The following TTC13 variants were observed in gnomAD, a reference collection of about 807,000 sequenced individuals.
TTC13 encodes tetratricopeptide repeat domain 13.
Under a neutral mutation model 120.0 loss-of-function variants are expected in TTC13, and 62 were observed. The ratio of observed to expected loss-of-function variants is 0.52; its 90% confidence interval spans 0.42 to 0.64. TTC13 has a LOEUF of 0.64. TTC13 is among the 30% of genes least tolerant of loss of function. The pLI is 0.00. For missense variants in TTC13, 824 were observed against 1,050.2 expected, an observed-to-expected ratio of 0.78 and a Z score of 2.98; for synonymous variants, 384 against 393.5, an observed-to-expected ratio of 0.98 and a Z score of 0.28.
Position 230,906,999 on chromosome 1 carries a change from G to A in TTC13, c.2489C>T (p.Thr830Ile), listed in dbSNP as rs773024692. The A allele has an allele frequency of 6.6e-6, 10 of 1,524,502 alleles. No individual in the cohort carries two copies. The highest frequency in any genetic ancestry group is 8.8e-6 in the Non-Finnish European group (10 of 1,142,434). The allele number at this position is 1,524,502 out of a possible 1,614,324, so 94.4% of individuals were successfully genotyped here. The change falls in exon 23 of 23, where the codon ACT becomes ATT. Residue 830 changes from threonine (T) to isoleucine (I), a missense_variant. By Grantham distance (89) the Thr-to-Ile change is moderately conservative. Around this residue, in one of 4 missense-constraint regions of TTC13, gnomAD observed 226 missense variants for 259.1 expected, o/e 0.87. Coordinates refer to ENST00000366661, the MANE Select transcript of TTC13 (RefSeq NM_024525.5). ...AAACGTTTCTGATACTGATGGAAGA[G>A]TCTTATAAGAAGGTGAAATACTGAA... ...NLKSISPSYKTLPSVSETFPT... is the reference protein window; with the variant it reads ...NLKSISPSYKILPSVSETFPT...
intron 18 of TTC13, among the ~76,000 whole-genome samples, chr1:230,914,614 C>T (rs1464387976): frequency 3.3e-5 from 5 of 152,096 alleles, no homozygotes; most frequent in Admixed American, 6.5e-5. Flanking sequence ...AGGCTGGTCT[C>T]GAACTCCTGA....
intron 18 of TTC13, among the ~76,000 whole-genome samples, chr1:230,914,618 C>T (rs1226498278): frequency 6.6e-6 from 1 of 152,152 alleles, no homozygotes; most frequent in African/African-American, 2.4e-5. Flanking sequence ...TGGTCTCGAA[C>T]TCCTGACCTA....
chr1:230,939,701 T>C (rs1674377540), intron 7 of TTC13, among the ~76,000 whole-genome samples: 1 of 152,208 alleles, frequency 6.6e-6, no homozygotes, highest in Non-Finnish European at 1.5e-5. Flanking sequence ...GAAAAGCGAT[T>C]GTGAGAAAAA....
intron 18 of TTC13, among the ~76,000 whole-genome samples, chr1:230,914,086 C>T (rs919361341): frequency 6.6e-6 from 1 of 152,018 alleles, no homozygotes; most frequent in South Asian, 2.1e-4. Context: ...CAGGCAGAGT[C>T]GACTCGAGGG....
rs114987537 is a variant in TTC13, at chr1:230,950,555, T to C, written c.513+3778A>G. Among the ~76,000 whole-genome samples, 181 of 152,304 alleles carry C rather than the reference T, an allele frequency of 1.2e-3. 1 individual carries two copies. Among genetic ancestry groups the C allele is most frequent in the African/African-American group, 4.3e-3 (178 of 41,566 alleles). On this transcript the variant is annotated intron_variant, in intron 4 of 22. Coordinates refer to ENST00000366661, the MANE Select transcript of TTC13 (RefSeq NM_024525.5). ...TTATTAAAACTGGGAAGTCACTGGA[T>C]CTAAAAACAAACAAGTCGAAACAGT...
In TTC13 at chr1:230,925,580, G is replaced by T; in HGVS notation, c.1525C>A (p.Arg509Ser). Residue 509 changes from arginine (R) to serine (S), a missense_variant, in exon 13 of 23, where the codon CGT becomes AGT. By Grantham distance (110) the Arg-to-Ser change is moderately radical. Around this residue, in one of 4 missense-constraint regions of TTC13, gnomAD observed 430 missense variants for 626.8 expected, o/e 0.69. Coordinates refer to ENST00000366661, the MANE Select transcript of TTC13 (RefSeq NM_024525.5). ...EVQELICVAD[R>S]LGSLMQYETP... ...TCATATTGCATCAGGGATCCCAAACGATCAGCCACACAAATCAGCTCCTGT... is the reference window on the plus strand; with the variant it reads ...TCATATTGCATCAGGGATCCCAAACTATCAGCCACACAAATCAGCTCCTGT... 2 of 1,613,998 alleles carry T rather than the reference G, an allele frequency of 1.2e-6. No individual in the cohort carries two copies. The highest frequency in any genetic ancestry group is 1.1e-5 in the South Asian group (1 of 91,058).
chr1:230,915,246 G>A (rs1053198640), intron 18 of TTC13, among the ~76,000 whole-genome samples: 4 of 152,174 alleles, frequency 2.6e-5, no homozygotes, highest in African/African-American at 7.2e-5. Flanking sequence ...AGCCCAAGAG[G>A]CAGAGGGGCT....
intron 22 of TTC13, chr1:230,908,491 T>G (rs900041632): frequency 1.8e-6 from 1 of 556,378 alleles, no homozygotes; most frequent in Admixed American, 2.8e-5. Context: ...TGCCTGGCCT[T>G]CATAGTCCAT....
intron 10 of TTC13, 53 bp from the exon 11 acceptor site, chr1:230,931,525 T>C: frequency 6.3e-7 from 1 of 1,589,416 alleles, no homozygotes; most frequent in African/African-American, 1.3e-5. Flanking sequence ...AACTTTGAAA[T>C]GCTTTATTCT....
Position 230,978,628 on chromosome 1 carries a change from G to T in TTC13, c.203C>A (p.Pro68Gln). Residue 68 changes from proline (P) to glutamine (Q), a missense_variant, in exon 1 of 23, where the codon CCG (proline) becomes CAG (glutamine). Coordinates refer to ENST00000366661, the MANE Select transcript of TTC13 (RefSeq NM_024525.5). This position sits in a 1 kb window ranked among gnomAD's most constrained non-coding sequence, Gnocchi z 5.6. ...ELQHRQQQEAPAGGGGCSPQS... is the reference protein window; with the variant it reads ...ELQHRQQQEAQAGGGGCSPQS... ...CGGGCTGCAGCCGCCGCCGCCCGCC[G>T]GGGCCTCCTGCTGCTGCCGGTGCTG... is the stretch of plus-strand genomic sequence containing the variant. The T allele has an allele frequency of 6.8e-7, 1 of 1,467,288 alleles. No homozygotes were observed. The highest frequency in any genetic ancestry group is 9.0e-7 in the Non-Finnish European group (1 of 1,115,564). 90.9% of individuals were successfully genotyped at this position (1,467,288 alleles called of 1,614,324 possible). A position where few individuals can be genotyped will look rare whatever the true frequency, so the allele number is the denominator to read the frequency against.
intron 11 of TTC13, among the ~76,000 whole-genome samples, chr1:230,929,696 G>A (rs190221967): frequency 1.4e-3 from 214 of 152,298 alleles, no homozygotes; most frequent in Middle Eastern, 6.8e-3. Flanking sequence ...AAGAATCCAA[G>A]TTCAGTCTCA....
At chr1:230,976,829 GC>G (rs1450561225) in intron 1 of TTC13, among the ~76,000 whole-genome samples, 2 of 152,304 alleles carry the variant, frequency 1.3e-5, no homozygotes, top group Non-Finnish European at 2.9e-5. Context: ...TTAGCCTGAT[GC>G]CAAAGAATCA....
intron 3 of TTC13, among the ~76,000 whole-genome samples, chr1:230,955,400 A>G (rs1396472921): frequency 6.6e-6 from 1 of 152,032 alleles, no homozygotes; most frequent in Non-Finnish European, 1.5e-5. Context: ...GTGGTGGCTT[A>G]CACCTGTAAT....
rs932441487 is a variant in TTC13 at position 230,944,977 on chromosome 1, C to A, written c.579+412G>T. ...TTTGATTACAGCTACAAAGATATTA[C>A]GCCATATGCAAAAAGTATAAAATAT... is the stretch of plus-strand genomic sequence containing the variant. On this transcript the variant is annotated intron_variant, in intron 5 of 22. Coordinates refer to ENST00000366661, the MANE Select transcript of TTC13 (RefSeq NM_024525.5). This position sits in a 1 kb window ranked among gnomAD's most constrained non-coding sequence, Gnocchi z 4.0. Among the ~76,000 whole-genome samples, 3 of 152,102 alleles carry A rather than the reference C, an allele frequency of 2.0e-5. No homozygotes were observed. Among genetic ancestry groups the A allele is most frequent in the Non-Finnish European group, 4.4e-5 (3 of 68,012 alleles).
chr1:230,929,232 C>T, intron 11 of TTC13, 139 bp from the exon 12 acceptor site: 1 of 870,990 alleles, frequency 1.1e-6, no homozygotes, highest in Non-Finnish European at 1.7e-6. Context: ...TTTAGTAAGT[C>T]ACTATTAGTA....
rs115476073 is a variant in TTC13 at position 230,950,750 on chromosome 1, A to C, written c.513+3583T>G. On this transcript the variant is annotated intron_variant, in intron 4 of 22. Transcript: ENST00000366661. ...ACAAGTTCAGTTCCACTGGAATCAG[A>C]TCAAAATCAGATGAGCTCAAGGTCA... 5.6e-3 allele frequency among the ~76,000 whole-genome samples: 854 copies of C among 152,370 alleles called. 9 individuals carry two copies. Among genetic ancestry groups the C allele is most frequent in the African/African-American group, 0.02 (830 of 41,580 alleles).
rs1678673246 is a variant in TTC13, at chr1:230,978,812, A to AGCAGCC, written c.13_18dup (p.Gly5_Cys6dup). The AGCAGCC allele has an allele frequency of 2.0e-6, 3 of 1,487,624 alleles. No individual in the cohort carries two copies. Among genetic ancestry groups the AGCAGCC allele is most frequent in the Non-Finnish European group, 2.7e-6 (3 of 1,128,910 alleles). The allele number at this position is 1,487,624 out of a possible 1,614,324, so 92.2% of individuals were successfully genotyped here. A position where few individuals can be genotyped will look rare whatever the true frequency, so the allele number is the denominator to read the frequency against. ...CCGCCCCAGAAGCAGCAGCAGCAGC[A>AGCAGCC]GCAGCCGGCAGGTGCCATCTTCCCT... On this transcript the variant is annotated inframe_insertion, in exon 1 of 23. Transcript: ENST00000366661. This position sits in a 1 kb window ranked among gnomAD's most constrained non-coding sequence, Gnocchi z 5.6.
At chr1:230,946,492 C>T (rs1019956786) in intron 4 of TTC13, among the ~76,000 whole-genome samples, 1 of 152,196 alleles carries the variant, frequency 6.6e-6, no homozygotes, top group Non-Finnish European at 1.5e-5. Flanking sequence ...GAATGAGATG[C>T]ATCTATATCC....
At chr1:230,975,731 C>G (rs11122172) in intron 1 of TTC13, among the ~76,000 whole-genome samples, 74,159 of 151,858 alleles carry the variant, frequency 0.49, 18,901 homozygotes, top group South Asian at 0.69. Context: ...ATATTAAGGG[C>G]GGATCAGGAA....
Sources: allele counts gnomAD v4.1 joint callset (sites outside exome capture counted in the v4.1 genomes callset), GRCh38; gene constraint gnomAD v4.1.1; regional missense constraint gnomAD v4.1.1; non-coding constraint Gnocchi (gnomAD v3.1); transcripts MANE v1.5; gene names NCBI Gene and HGNC (gene_info 2026-07-23, HGNC 2026-07-21).